IFT88: variants seen among roughly 807,000 people sequenced by gnomAD.
IFT88 encodes intraflagellar transport 88.
Under a neutral mutation model 119.5 loss-of-function variants are expected in IFT88, and 74 were observed. The observed-to-expected ratio is 0.62, with a 90% confidence interval of 0.51 to 0.75. IFT88 has a LOEUF of 0.75. Among genes scored for constraint, IFT88 ranks in the 30% least tolerant of loss-of-function variants. The pLI, the probability that IFT88 is intolerant of heterozygous loss-of-function variation, is 0.00. For synonymous variants in IFT88, 279 were observed against 316.7 expected (o/e 0.88, Z 1.26); for missense variants, 961 against 977.7 (o/e 0.98, Z 0.23).
chr13:20,684,874 G>C (rs1043866310), intron 24 of IFT88, among the ~76,000 whole-genome samples: 11 of 152,188 alleles, frequency 7.2e-5, no homozygotes, highest in African/African-American at 2.4e-4. Context: ...GCGACCCTTC[G>C]ACCCGGGTTC....
At chr13:20,625,693 A>G in intron 14 of IFT88, 57 bp from the exon 15 acceptor site, 1 of 1,187,356 alleles carries the variant, frequency 8.4e-7, no homozygotes, top group South Asian at 1.4e-5. Flanking sequence ...AAGAAAACCA[A>G]CAGCATCAAT....
intron 2 of IFT88, 43 bp downstream of exon 2, chr13:20,574,518 A>G: frequency 1.8e-6 from 2 of 1,096,602 alleles, no homozygotes; most frequent in East Asian, 4.9e-5. Flanking sequence ...TTGGTTAACC[A>G]GCTGGTTTAT....
chr13:20,586,789 G>A (rs2039748000), intron 3 of IFT88, among the ~76,000 whole-genome samples: 2 of 152,110 alleles, frequency 1.3e-5, no homozygotes, highest in Non-Finnish European at 2.9e-5. Context: ...CCTGAAACAT[G>A]TATACAAATT....
chr13:20,569,490 G>T (rs556215716), intron 1 of IFT88, among the ~76,000 whole-genome samples: 2 of 151,628 alleles, frequency 1.3e-5, no homozygotes, highest in Non-Finnish European at 2.9e-5. Context: ...GGAGAATGGC[G>T]TGAACTCGGG....
Position 20,601,761 on chromosome 13 carries a change from A to G in IFT88, c.869A>G (p.Asp290Gly), listed in dbSNP as rs1273881473. 1 of 1,613,398 alleles carries G rather than the reference A, an allele frequency of 6.2e-7. No homozygotes were observed. The highest frequency in any genetic ancestry group is 2.2e-5 in the East Asian group (1 of 44,836). Residue 290 changes from aspartate (D) to glycine (G), a missense_variant, in exon 12 of 26, where the codon GAT (aspartate) becomes GGT (glycine). Physicochemically the swap from Asp to Gly is moderately conservative, Grantham distance 94. Coordinates refer to ENST00000351808, the MANE Select transcript of IFT88 (RefSeq NM_006531.5). Reference sequence around the variant, plus strand: ...TTTATTCAGGCTGGTCAGTATTCAGATGCTATTAATTCATATGAGCACATA... The same window carrying G: ...TTTATTCAGGCTGGTCAGTATTCAGGTGCTATTAATTCATATGAGCACATA... ...VTFIQAGQYSDAINSYEHIMS... is the reference protein window; with the variant it reads ...VTFIQAGQYSGAINSYEHIMS...
intron 11 of IFT88, among the ~76,000 whole-genome samples, chr13:20,600,537 AGTTG>A (rs2042419661): frequency 6.6e-6 from 1 of 152,180 alleles, no homozygotes; most frequent in Admixed American, 6.5e-5. Context: ...AAACTAATTG[AGTTG>A]AAATAGAGGG....
rs1700295551 is a variant in IFT88 at position 20,686,486 on chromosome 13, A to G, written c.2243-4219A>G. Among the ~76,000 whole-genome samples, 3 of 152,234 alleles carry G rather than the reference A, an allele frequency of 2.0e-5. No individual in the cohort carries two copies. In the South Asian group the frequency reaches 6.2e-4, roughly 31 times the overall value. ...TTTGCCTCTGCTGGGTGTGAACAGCATAAGGTACTGAGCAGGAGCACAGTT... is the reference window on the plus strand; with the variant it reads ...TTTGCCTCTGCTGGGTGTGAACAGCGTAAGGTACTGAGCAGGAGCACAGTT... On this transcript the variant is annotated intron_variant, in intron 24 of 25. Transcript: ENST00000351808.
intron 23 of IFT88, among the ~76,000 whole-genome samples, chr13:20,666,736 C>A (rs2054756090): frequency 6.6e-6 from 1 of 151,938 alleles, no homozygotes; most frequent in South Asian, 2.1e-4. Context: ...TCTTTTTTCC[C>A]TATTATGAAA....
At chr13:20,647,599 A>T (rs929935818) in intron 20 of IFT88, among the ~76,000 whole-genome samples, 3 of 152,206 alleles carry the variant, frequency 2.0e-5, no homozygotes, top group Non-Finnish European at 4.4e-5. Context: ...CATGTCTTAA[A>T]ATATCAAGAA....
At chr13:20,615,994 A>C (rs2045547001) in intron 14 of IFT88, 115 bp downstream of exon 14, 8 of 528,186 alleles carry the variant, frequency 1.5e-5, no homozygotes, top group Middle Eastern at 5.0e-4. Context: ...ATTCATATTT[A>C]TCAAGCAGAT....
At chr13:20,597,540 C>G (rs376670423) in intron 9 of IFT88, among the ~76,000 whole-genome samples, 3 of 151,926 alleles carry the variant, frequency 2.0e-5, no homozygotes, top group South Asian at 4.1e-4. Context: ...GTCAGGAAAT[C>G]GAGACCATCC....
chr13:20,613,952 T>TAGATCAGTGG, intron 13 of IFT88, among the ~76,000 whole-genome samples: 1 of 152,206 alleles, frequency 6.6e-6, no homozygotes, highest in South Asian at 2.1e-4. Flanking sequence ...TCTATAAAGA[T>TAGATCAGTGG]TTGCCAGGGA....
chr13:20,681,514 G>C (rs1202079051), intron 24 of IFT88, among the ~76,000 whole-genome samples: 2 of 152,218 alleles, frequency 1.3e-5, no homozygotes, highest in Non-Finnish European at 2.9e-5. Flanking sequence ...TGAGACCAGA[G>C]GCATTAACAT....
chr13:20,673,287 C>T (rs1036363532), intron 24 of IFT88, among the ~76,000 whole-genome samples: 9 of 152,158 alleles, frequency 5.9e-5, no homozygotes, highest in Non-Finnish European at 2.9e-5. Context: ...GCCTTAGTTT[C>T]CCAGATGCCA....
intron 7 of IFT88, among the ~76,000 whole-genome samples, chr13:20,593,984 G>GT (rs2041194392): frequency 6.6e-6 from 1 of 151,906 alleles, no homozygotes. Flanking sequence ...CCAGGAGGTG[G>GT]TAGCTGCAGT....
At chr13:20,656,500 C>G (rs1365454272) in intron 22 of IFT88, 70 bp downstream of exon 22, 3 of 652,960 alleles carry the variant, frequency 4.6e-6, no homozygotes, top group Non-Finnish European at 7.7e-6. Flanking sequence ...TATATAATTA[C>G]CTTTGCTACA....
At chr13:20,605,621 T>C (rs2043302178) in intron 13 of IFT88, among the ~76,000 whole-genome samples, 3 of 152,232 alleles carry the variant, frequency 2.0e-5, no homozygotes, top group Non-Finnish European at 2.9e-5. Context: ...CAACCAATTA[T>C]CCATCTCCCT....
chr13:20,610,493 C>T (rs57157391), intron 13 of IFT88, among the ~76,000 whole-genome samples: 414 of 151,316 alleles, frequency 2.7e-3, no homozygotes, highest in African/African-American at 9.0e-3. Flanking sequence ...GTTGTCTATA[C>T]GATTATAGTA....
rs2050859957 is a variant in IFT88 at position 20,647,008 on chromosome 13, A to G, written c.1949+2050A>G. 2.0e-5 allele frequency among the ~76,000 whole-genome samples: 3 copies of G among 152,110 alleles called. No individual in the cohort carries two copies. The South Asian group carries it at 6.2e-4, about 31-fold the overall frequency. On this transcript the variant is annotated intron_variant, in intron 20 of 25. Transcript: ENST00000351808. Reference sequence around the variant, plus strand: ...AACCAGGTGAATTGATGCTACACAAATCTGTGTGATATGAGCACTGCTCAT... The same window carrying G: ...AACCAGGTGAATTGATGCTACACAAGTCTGTGTGATATGAGCACTGCTCAT...
Sources: gnomAD v4.1 joint callset for allele counts (sites outside exome capture counted in the v4.1 genomes callset) on GRCh38, gnomAD v4.1.1 for gene constraint, MANE v1.5 for transcripts, NCBI Gene and HGNC (gene_info 2026-07-23, HGNC 2026-07-21) for gene names.